Variants in CTIF observed in about 807,000 individuals in gnomAD.
CTIF encodes the protein cap binding complex dependent translation initiation factor.
In CTIF, 21 loss-of-function variants were observed where a neutral mutation model predicts 66.0. The observed-to-expected ratio is 0.32, with a 90% CI of 0.23 to 0.46. CTIF has a LOEUF of 0.46. CTIF is among the 20% of genes least tolerant of loss of function. CTIF has a pLI of 1.00. For missense variants in CTIF, 739 were observed against 812.7 expected (o/e 0.91, Z 1.10); for synonymous variants, 345 against 326.4 (o/e 1.06, Z -0.62).
intron 9 of CTIF, among the ~76,000 whole-genome samples, chr18:48,774,026 A>G (rs1910422782): frequency 6.6e-6 from 1 of 152,096 alleles, no homozygotes; most frequent in South Asian, 2.1e-4. Flanking sequence ...CCCCTTACGG[A>G]GACAGAGGTC....
rs186789808 is a variant in CTIF at position 48,574,870 on chromosome 18, G to A, written c.-29+35558G>A. ...AGGTAGGTGACTTCCTGTGTGACCT[G>A]GCCCAAGACTCACTCCCTCTCTGAA... On this transcript the variant is annotated intron_variant, in intron 1 of 11. Transcript: ENST00000256413. 1.9e-3 allele frequency among the ~76,000 whole-genome samples: 291 copies of A among 152,288 alleles called. 1 individual carries two copies. Among genetic ancestry groups the A allele is most frequent in the Non-Finnish European group, 3.2e-3 (219 of 68,024 alleles).
At chr18:48,742,422 C>T (rs1198326460) in intron 7 of CTIF, among the ~76,000 whole-genome samples, 1 of 152,210 alleles carries the variant, frequency 6.6e-6, no homozygotes, top group African/African-American at 2.4e-5. Flanking sequence ...CCCAAAGGGG[C>T]TGCAGACCCG....
intron 6 of CTIF, among the ~76,000 whole-genome samples, chr18:48,684,500 A>G (rs1328280639): frequency 6.6e-6 from 1 of 152,136 alleles, no homozygotes; most frequent in South Asian, 2.1e-4. Context: ...CTTTTTAAGT[A>G]TATCAATTCT....
At chr18:48,671,255 G>T (rs2091529289) in intron 6 of CTIF, among the ~76,000 whole-genome samples, 2 of 152,074 alleles carry the variant, frequency 1.3e-5, no homozygotes, top group Non-Finnish European at 2.9e-5. Flanking sequence ...AGGACAAAGA[G>T]GATTCACTCA....
In CTIF at chr18:48,659,850, C is replaced by T. The variant is rs149623360; in HGVS notation, c.253-3902C>T. ...CAGGGCGGGGGTGGCTAAAGAAATA[C>T]GGTGTGTACTGGGAATGGCAGGGAT... On this transcript the variant is annotated intron_variant, in intron 3 of 11. Coordinates refer to ENST00000256413, the MANE Select transcript of CTIF (RefSeq NM_014772.3). 2.1e-4 allele frequency among the ~76,000 whole-genome samples: 32 copies of T among 152,316 alleles called. 1 individual carries two copies. In the East Asian group the frequency reaches 5.0e-3, roughly 24 times the overall value.
intron 9 of CTIF, among the ~76,000 whole-genome samples, chr18:48,802,100 G>A: frequency 6.6e-6 from 1 of 152,238 alleles, no homozygotes; most frequent in East Asian, 1.9e-4. Context: ...GAGGCACGGT[G>A]ACTGGCCTGA....
intron 1 of CTIF, among the ~76,000 whole-genome samples, chr18:48,595,210 T>G (rs2089968001): frequency 6.6e-6 from 1 of 151,846 alleles, no homozygotes; most frequent in African/African-American, 2.4e-5. Context: ...AGTCATAGGA[T>G]TCTAGGATTT....
chr18:48,621,046 T>G (rs1361598695), intron 2 of CTIF, among the ~76,000 whole-genome samples: 1 of 152,194 alleles, frequency 6.6e-6, no homozygotes, highest in Non-Finnish European at 1.5e-5. Flanking sequence ...TAATGCAAGC[T>G]TATAATTTGT....
Position 48,588,924 on chromosome 18 carries a change from G to A in CTIF, c.-28-30614G>A, listed in dbSNP as rs369629910. Among the ~76,000 whole-genome samples the A allele has an allele frequency of 3.2e-3, 491 of 152,106 alleles. 2 individuals are homozygous for A. Among genetic ancestry groups the A allele is most frequent in the Non-Finnish European group, 5.0e-3 (342 of 67,996 alleles). ...CAGCCACACAGTGGCTGAGGGCACC[G>A]GACTTTTCCCTTTCCCCTCCCTCTC... is the stretch of plus-strand genomic sequence containing the variant. On this transcript the variant is annotated intron_variant, in intron 1 of 11. Coordinates refer to ENST00000256413, the MANE Select transcript of CTIF (RefSeq NM_014772.3).
At chr18:48,566,377 A>G (rs17828681) in intron 1 of CTIF, 1 of 152,192 alleles carries the variant, frequency 6.6e-6, no homozygotes, top group African/African-American at 2.4e-5. Flanking sequence ...ACACAGGTGC[A>G]TGCTATGAAA....
At chr18:48,577,657 C>T (rs927610230) in intron 1 of CTIF, among the ~76,000 whole-genome samples, 1 of 152,196 alleles carries the variant, frequency 6.6e-6, no homozygotes, top group African/African-American at 2.4e-5. Context: ...ACTGCAGCCT[C>T]TATCTCCCAG....
intron 9 of CTIF, among the ~76,000 whole-genome samples, chr18:48,805,459 C>T (rs994872640): frequency 9.9e-5 from 15 of 152,082 alleles, no homozygotes; most frequent in African/African-American, 1.4e-4. Context: ...TCAGCAAAGC[C>T]CTGAGGGGAG....
Position 48,858,947 on chromosome 18 carries a change from A to C in CTIF, c.1582-397A>C, listed in dbSNP as rs148906337. Among the ~76,000 whole-genome samples the C allele has an allele frequency of 3.0e-4, 45 of 152,284 alleles. 1 individual carries two copies. In the East Asian group the frequency reaches 6.9e-3, roughly 24 times the overall value. ...TGCCAGAGAGACGCCCCAGCAAGTGAAAATGACCACAGGGCCCCCTGATCA... is the reference window on the plus strand; with the variant it reads ...TGCCAGAGAGACGCCCCAGCAAGTGCAAATGACCACAGGGCCCCCTGATCA... On this transcript the variant is annotated intron_variant, in intron 11 of 11. Transcript: ENST00000256413.
At chr18:48,780,935 A>C in intron 9 of CTIF, among the ~76,000 whole-genome samples, 1 of 152,088 alleles carries the variant, frequency 6.6e-6, no homozygotes, top group African/African-American at 2.4e-5. Flanking sequence ...CTGTCATCCC[A>C]TCCCCTCCTA....
At chr18:48,634,995 A>G (rs1315855904) in intron 2 of CTIF, among the ~76,000 whole-genome samples, 1 of 152,166 alleles carries the variant, frequency 6.6e-6, no homozygotes, top group Non-Finnish European at 1.5e-5. Flanking sequence ...ATTTCATTTA[A>G]TTTTACCTGT....
In CTIF at chr18:48,847,110, C is replaced by G. The variant is rs113926581; in HGVS notation, c.1528-10478C>G. Among the ~76,000 whole-genome samples, 379 of 151,982 alleles carry G rather than the reference C, an allele frequency of 2.5e-3. 3 individuals are homozygous for G. Among genetic ancestry groups the G allele is most frequent in the African/African-American group, 8.3e-3 (345 of 41,402 alleles). On this transcript the variant is annotated intron_variant, in intron 10 of 11. Coordinates refer to ENST00000256413, the MANE Select transcript of CTIF (RefSeq NM_014772.3). ...AAATCACGAGGTCAAGAGATGGAGA[C>G]CATCCCGGCCAACATGGTGAAACCC...
chr18:48,759,341 A>G (rs1908730577), intron 8 of CTIF, among the ~76,000 whole-genome samples: 1 of 151,834 alleles, frequency 6.6e-6, no homozygotes, highest in African/African-American at 2.4e-5. Context: ...CTTCTCCTCC[A>G]TCCTCCCCTA....
At position 48,705,528 on chromosome 18, in the gene CTIF, G is replaced by A. The variant is rs563922813; in HGVS notation, c.508-6091G>A. On this transcript the variant is annotated intron_variant, in intron 6 of 11. Coordinates refer to ENST00000256413, the MANE Select transcript of CTIF (RefSeq NM_014772.3). ...CACGTTCACAGGTGCACGGGGTTAGGACTCCAACCAGTCTTTCTGGGGAAC... is the reference window on the plus strand; with the variant it reads ...CACGTTCACAGGTGCACGGGGTTAGAACTCCAACCAGTCTTTCTGGGGAAC... Among the ~76,000 whole-genome samples the A allele has an allele frequency of 2.0e-5, 3 of 152,234 alleles. No homozygotes were observed. In the South Asian group the frequency reaches 6.2e-4, roughly 31 times the overall value.
At position 48,855,811 on chromosome 18, in the gene CTIF, G is replaced by A. The variant is rs142489936; in HGVS notation, c.1528-1777G>A. Among the ~76,000 whole-genome samples, 934 of 152,294 alleles carry A rather than the reference G, an allele frequency of 6.1e-3. 3 individuals are homozygous for A. The highest frequency in any genetic ancestry group is 9.2e-3 in the Non-Finnish European group (626 of 68,026). The stretch of plus-strand genomic sequence containing the variant: ...TTTACCAGGAAAACTACCAGAACCT[G>A]GTACCTTCTTGGTTATGGATGGTAA... On this transcript the variant is annotated intron_variant, in intron 10 of 11. Coordinates refer to ENST00000256413, the MANE Select transcript of CTIF (RefSeq NM_014772.3).
Sources: gnomAD v4.1 joint callset for allele counts (sites outside exome capture counted in the v4.1 genomes callset) on GRCh38, gnomAD v4.1.1 for gene constraint, MANE v1.5 for transcripts, NCBI Gene and HGNC (gene_info 2026-07-23, HGNC 2026-07-21) for gene names.